GALNT17: variants seen among roughly 807,000 people sequenced by gnomAD.
GALNT17 encodes polypeptide N-acetylgalactosaminyltransferase 17.
Under a neutral mutation model 63.7 loss-of-function variants are expected in GALNT17, and 29 were observed. The ratio of observed to expected loss-of-function variants is 0.46; its 90% CI spans 0.34 to 0.62. GALNT17 has a LOEUF of 0.62. Among genes scored for constraint, GALNT17 ranks in the 20% least tolerant of loss-of-function variants. GALNT17 has a pLI of 0.01. For missense variants in GALNT17, 603 were observed against 799.6 expected (o/e 0.75, Z 2.97); for synonymous variants, 305 against 318.3 (o/e 0.96, Z 0.45).
chr7:71,582,299 G>A (rs1321312293), intron 6 of GALNT17, among the ~76,000 whole-genome samples: 1 of 152,058 alleles, frequency 6.6e-6, no homozygotes, highest in South Asian at 2.1e-4. Flanking sequence ...TGGTGGCCGG[G>A]TGCAGTGCCT....
chr7:71,393,425 A>G (rs1455861554), intron 3 of GALNT17, among the ~76,000 whole-genome samples: 2 of 152,242 alleles, frequency 1.3e-5, no homozygotes, highest in African/African-American at 4.8e-5. Flanking sequence ...GAGACTAACC[A>G]GAGGCAACTG....
chr7:71,525,397 G>A (rs931379521), intron 5 of GALNT17, among the ~76,000 whole-genome samples: 33 of 151,868 alleles, frequency 2.2e-4, no homozygotes, highest in African/African-American at 6.5e-4. Flanking sequence ...TAGTAGAGAC[G>A]GGGTTTCACT....
intron 5 of GALNT17, among the ~76,000 whole-genome samples, chr7:71,484,727 A>G (rs1787880901): frequency 6.6e-6 from 1 of 151,414 alleles, no homozygotes; most frequent in Non-Finnish European, 1.5e-5. Context: ...ATGACTGCAT[A>G]TATAGGTTTC....
chr7:71,313,486 C>G (rs1172547500), intron 1 of GALNT17, among the ~76,000 whole-genome samples: 1 of 152,238 alleles, frequency 6.6e-6, no homozygotes, highest in African/African-American at 2.4e-5. Flanking sequence ...AGTGGGCCAA[C>G]TGTCCGTAGC....
Position 71,712,211 on chromosome 7 carries a change from C to A in GALNT17, c.*65C>A. ...ATGGCTGCTCCCCCCAACATCTGGACCAGCTGCCCTGGCGGAGAGACAGCA... is the reference window on the plus strand; with the variant it reads ...ATGGCTGCTCCCCCCAACATCTGGAACAGCTGCCCTGGCGGAGAGACAGCA... On this transcript the variant is annotated 3_prime_UTR_variant, in exon 11 of 11. Coordinates refer to ENST00000333538, the MANE Select transcript of GALNT17 (RefSeq NM_022479.3). 1 of 1,570,216 alleles carries A rather than the reference C, an allele frequency of 6.4e-7. No homozygotes were observed.
At chr7:71,340,561 TAAGA>T (rs1224772152) in intron 2 of GALNT17, among the ~76,000 whole-genome samples, 1 of 152,092 alleles carries the variant, frequency 6.6e-6, no homozygotes, top group Non-Finnish European at 1.5e-5. Context: ...TGCTCTAAAA[TAAGA>T]AAGGAAAGGC....
chr7:71,664,395 A>G (rs1412843734), intron 6 of GALNT17, among the ~76,000 whole-genome samples: 1 of 152,272 alleles, frequency 6.6e-6, no homozygotes, highest in African/African-American at 2.4e-5. Context: ...GAATCGCTTG[A>G]GACCAGGAGT....
At chr7:71,387,919 A>C (rs1408820061) in intron 2 of GALNT17, among the ~76,000 whole-genome samples, 1 of 152,174 alleles carries the variant, frequency 6.6e-6, no homozygotes, top group African/African-American at 2.4e-5. Flanking sequence ...GGGGGAACCC[A>C]AATGAAGGCA....
chr7:71,407,983 T>C (rs1456913022), intron 3 of GALNT17, among the ~76,000 whole-genome samples: 1 of 152,092 alleles, frequency 6.6e-6, no homozygotes, highest in Admixed American at 6.6e-5. Context: ...TTCTAGATAG[T>C]GGTGATAGTT....
intron 5 of GALNT17, among the ~76,000 whole-genome samples, chr7:71,492,916 C>T (rs181900408): frequency 1.5e-4 from 23 of 152,248 alleles, no homozygotes; most frequent in Admixed American, 4.6e-4. Context: ...CCAGGGGATC[C>T]GCTATTTAGC....
intron 6 of GALNT17, among the ~76,000 whole-genome samples, chr7:71,604,097 G>T (rs925065561): frequency 2.0e-5 from 3 of 152,168 alleles, no homozygotes; most frequent in African/African-American, 7.2e-5. Flanking sequence ...TATGCTAAGT[G>T]CATACAGTGG....
intron 6 of GALNT17, among the ~76,000 whole-genome samples, chr7:71,593,458 G>T (rs1249596378): frequency 2.0e-5 from 3 of 151,938 alleles, no homozygotes; most frequent in Non-Finnish European, 2.9e-5. Flanking sequence ...TAGAGACAGG[G>T]TTTCACCATG....
chr7:71,210,440 T>G (rs976496990), intron 1 of GALNT17, among the ~76,000 whole-genome samples: 3 of 152,252 alleles, frequency 2.0e-5, no homozygotes, highest in African/African-American at 7.2e-5. Flanking sequence ...CCTGGCCGAG[T>G]GACAATTTGA....
chr7:71,268,795 G>A (rs1790535898), intron 1 of GALNT17, among the ~76,000 whole-genome samples: 1 of 152,080 alleles, frequency 6.6e-6, no homozygotes, highest in African/African-American at 2.4e-5. Flanking sequence ...GAAGGTTGGG[G>A]TTGTGCCTGT....
At chr7:71,180,350 C>G (rs530213165) in intron 1 of GALNT17, among the ~76,000 whole-genome samples, 1 of 152,116 alleles carries the variant, frequency 6.6e-6, no homozygotes, top group Non-Finnish European at 1.5e-5. Flanking sequence ...TCTCAAACTC[C>G]TGAGCTCAGG....
chr7:71,314,006 T>C (rs540589435), intron 1 of GALNT17, among the ~76,000 whole-genome samples: 1 of 152,322 alleles, frequency 6.6e-6, no homozygotes, highest in East Asian at 1.9e-4. Flanking sequence ...AACGAACTTC[T>C]TCCTAATGGA....
intron 5 of GALNT17, among the ~76,000 whole-genome samples, chr7:71,466,229 AAGGGTATC>A (rs1297131876): frequency 6.6e-6 from 1 of 152,222 alleles, no homozygotes; most frequent in Non-Finnish European, 1.5e-5. Context: ...CCTCTTGGCC[AAGGGTATC>A]CCAAGGAAAC....
At chr7:71,424,099 CA>C (rs1563082252) in intron 5 of GALNT17, among the ~76,000 whole-genome samples, 2 of 152,210 alleles carry the variant, frequency 1.3e-5, no homozygotes, top group Non-Finnish European at 2.9e-5. Context: ...ACCAACTGTT[CA>C]TCATGCAGTG....
intron 8 of GALNT17, among the ~76,000 whole-genome samples, chr7:71,671,728 G>C (rs968187812): frequency 6.6e-6 from 1 of 152,188 alleles, no homozygotes; most frequent in African/African-American, 2.4e-5. Flanking sequence ...GAAGTTCTTA[G>C]AACGGTACCT....
Sources: allele counts gnomAD v4.1 joint callset (sites outside exome capture counted in the v4.1 genomes callset), GRCh38; gene constraint gnomAD v4.1.1; transcripts MANE v1.5; gene names NCBI Gene and HGNC (gene_info 2026-07-23, HGNC 2026-07-21).